SGIP1: variants seen among roughly 807,000 people sequenced by gnomAD.
SGIP1 encodes the protein SH3GL interacting endocytic adaptor 1.
Under a neutral mutation model 107.5 loss-of-function variants are expected in SGIP1, and 38 were observed. The ratio of observed to expected loss-of-function variants is 0.35; its 90% CI spans 0.27 to 0.46. The LOEUF is 0.46. Ranked by LOEUF, SGIP1 falls within the 20% of genes least tolerant of loss-of-function variation. The pLI is 1.00. For missense variants in SGIP1, 929 were observed against 1,019.5 expected (o/e 0.91, Z 1.21); for synonymous variants, 365 against 366.1 (o/e 1.00, Z 0.03).
At chr1:66,591,515 C>T (rs1284196529) in intron 1 of SGIP1, among the ~76,000 whole-genome samples, 1 of 152,178 alleles carries the variant, frequency 6.6e-6, no homozygotes, top group Non-Finnish European at 1.5e-5. Context: ...CATATATCCC[C>T]TGCCCCTACA....
chr1:66,684,015 C>G, intron 15 of SGIP1: 1 of 1,515,606 alleles, frequency 6.6e-7, no homozygotes. Context: ...CCGCGCCCAG[C>G]CCTAAATGCT....
intron 21 of SGIP1, among the ~76,000 whole-genome samples, chr1:66,734,170 G>A (rs1300052794): frequency 6.6e-6 from 1 of 152,018 alleles, no homozygotes; most frequent in Non-Finnish European, 1.5e-5. Context: ...AAGATTATAA[G>A]TTTATATTGA....
At chr1:66,536,310 G>A (rs962307699) in intron 1 of SGIP1, among the ~76,000 whole-genome samples, 18 of 152,244 alleles carry the variant, frequency 1.2e-4, no homozygotes, top group African/African-American at 4.3e-4. Context: ...AAATTGGACA[G>A]GTGTTCCCAC....
chr1:66,586,587 C>A (rs1196983929), intron 1 of SGIP1, among the ~76,000 whole-genome samples: 2 of 152,084 alleles, frequency 1.3e-5, no homozygotes, highest in Non-Finnish European at 2.9e-5. Context: ...TAAAACCTTA[C>A]TTTCCTTTAT....
At position 66,633,754 on chromosome 1, in the gene SGIP1, CA is replaced by C. The variant is rs140585462; in HGVS notation, c.99+663del. Among the ~76,000 whole-genome samples the C allele has an allele frequency of 1.4e-3, 207 of 151,916 alleles. 1 individual carries two copies. Among genetic ancestry groups the C allele is most frequent in the African/African-American group, 4.9e-3 (204 of 41,410 alleles). On this transcript the variant is annotated intron_variant, in intron 3 of 24. Transcript: ENST00000371037. ...CACCGACTCCTAAAATGACTTCCTTCAAATCTAAATCAGATGCCTATTCAGA... is the reference window on the plus strand; with the variant it reads ...CACCGACTCCTAAAATGACTTCCTTCAATCTAAATCAGATGCCTATTCAGA...
intron 18 of SGIP1, among the ~76,000 whole-genome samples, chr1:66,717,304 G>T (rs1275193470): frequency 6.6e-6 from 1 of 152,124 alleles, no homozygotes; most frequent in Non-Finnish European, 1.5e-5. Context: ...ATAAACATTT[G>T]AATTAATGAG....
At chr1:66,650,831 C>T (rs2078614773) in intron 7 of SGIP1, among the ~76,000 whole-genome samples, 1 of 152,004 alleles carries the variant, frequency 6.6e-6, no homozygotes, top group Non-Finnish European at 1.5e-5. Flanking sequence ...GCCAATAATC[C>T]CTTCTGGCTT....
chr1:66,672,879 C>T (rs1318202926), intron 11 of SGIP1, among the ~76,000 whole-genome samples: 2 of 152,014 alleles, frequency 1.3e-5, no homozygotes, highest in Non-Finnish European at 2.9e-5. Context: ...TTAACTACAA[C>T]AAAGAGATGT....
chr1:66,601,770 C>T (rs1181304197), intron 1 of SGIP1, among the ~76,000 whole-genome samples: 1 of 152,038 alleles, frequency 6.6e-6, no homozygotes, highest in South Asian at 2.1e-4. Flanking sequence ...TGTAAGGAGC[C>T]CTACTTTTTT....
At chr1:66,576,934 A>G (rs1425944166) in intron 1 of SGIP1, among the ~76,000 whole-genome samples, 1 of 152,154 alleles carries the variant, frequency 6.6e-6, no homozygotes, top group African/African-American at 2.4e-5. Context: ...TCAGGGTGGC[A>G]GCTTCAGCTG....
At chr1:66,729,495 T>C (rs2093910710) in intron 20 of SGIP1, 76 bp downstream of exon 20, 1 of 1,554,134 alleles carries the variant, frequency 6.4e-7, no homozygotes, top group Non-Finnish European at 8.8e-7. Context: ...GGATATATCT[T>C]AGCAACAGGG....
At chr1:66,738,610 A>G (rs553729) in intron 21 of SGIP1, among the ~76,000 whole-genome samples, 103,346 of 152,084 alleles carry the variant, frequency 0.68, 36,009 homozygotes, top group African/African-American at 0.75. Context: ...AATTAGTATC[A>G]ACAGTAGATT....
At chr1:66,655,861 C>T (rs557352320) in intron 7 of SGIP1, among the ~76,000 whole-genome samples, 4 of 151,964 alleles carry the variant, frequency 2.6e-5, no homozygotes, top group African/African-American at 9.7e-5. Context: ...CTACTGCAGA[C>T]TTTGTAAACA....
At chr1:66,707,196 C>T (rs148377424) in intron 18 of SGIP1, among the ~76,000 whole-genome samples, 178 of 152,120 alleles carry the variant, frequency 1.2e-3, no homozygotes, top group African/African-American at 3.3e-3. Context: ...TTTTTGGGCA[C>T]GAAATAAACT....
chr1:66,741,160 T>C, intron 23 of SGIP1, 112 bp from the exon 24 acceptor site: 3 of 1,140,600 alleles, frequency 2.6e-6, no homozygotes, highest in Non-Finnish European at 3.6e-6. Context: ...TAATCACCAT[T>C]TTGTCAAAGA....
At chr1:66,652,487 G>A (rs2078954834) in intron 7 of SGIP1, among the ~76,000 whole-genome samples, 1 of 152,122 alleles carries the variant, frequency 6.6e-6, no homozygotes, top group Non-Finnish European at 1.5e-5. Context: ...CTGACATTGA[G>A]TCATGAAGGA....
At chr1:66,649,250 GT>G (rs35520822) in intron 7 of SGIP1, among the ~76,000 whole-genome samples, 21,326 of 152,176 alleles carry the variant, frequency 0.14, 2,287 homozygotes, top group East Asian at 0.51. Flanking sequence ...TTTTAAGTTA[GT>G]TTTCTCCATC....
intron 1 of SGIP1, among the ~76,000 whole-genome samples, chr1:66,564,647 A>T (rs529779041): frequency 1.3e-5 from 2 of 152,100 alleles, no homozygotes; most frequent in African/African-American, 4.8e-5. Flanking sequence ...CAAGCAGGAA[A>T]TCATGCTGCA....
At chr1:66,617,585 A>G (rs542577069) in intron 1 of SGIP1, among the ~76,000 whole-genome samples, 1 of 152,208 alleles carries the variant, frequency 6.6e-6, no homozygotes, top group African/African-American at 2.4e-5. Context: ...ACTGAGACCA[A>G]ATATTTGGCC....
Sources: gnomAD v4.1 joint callset for allele counts (sites outside exome capture counted in the v4.1 genomes callset) on GRCh38, gnomAD v4.1.1 for gene constraint, MANE v1.5 for transcripts, NCBI Gene and HGNC (gene_info 2026-07-23, HGNC 2026-07-21) for gene names.